URB1: variants seen among roughly 807,000 people sequenced by gnomAD.
URB1 encodes the protein URB1 ribosome biogenesis factor.
A neutral mutation model predicts 242.3 loss-of-function variants in URB1; 197 were observed. The observed-to-expected ratio is 0.81, with a 90% confidence interval of 0.72 to 0.91. The LOEUF (loss-of-function observed/expected upper bound fraction) is 0.91, where lower values mean the gene tolerates loss of function less well. Among genes scored for constraint, URB1 ranks in the 40% least tolerant of loss-of-function variants. The probability of loss-of-function intolerance (pLI) is 0.00; values close to 1 mark genes in which losing one functional copy is unlikely to be tolerated. For missense variants in URB1, 2,721 were observed against 2,860.5 expected, an observed-to-expected ratio of 0.95 and a Z score of 1.11; for synonymous variants, 1,153 against 1,201.8, an observed-to-expected ratio of 0.96 and a Z score of 0.84.
chr21:32,355,920 C>T (rs1337458317), intron 15 of URB1, among the ~76,000 whole-genome samples: 1 of 152,224 alleles, frequency 6.6e-6, no homozygotes, highest in Non-Finnish European at 1.5e-5. Flanking sequence ...CTACAGGACC[C>T]ACTTTCTGTC....
chr21:32,374,848 T>C (rs531805398), intron 6 of URB1, among the ~76,000 whole-genome samples: 1 of 152,358 alleles, frequency 6.6e-6, no homozygotes, highest in East Asian at 1.9e-4. Flanking sequence ...AATCACTCTT[T>C]AAAATACTTC....
intron 28 of URB1, among the ~76,000 whole-genome samples, chr21:32,336,113 C>A (rs986511143): frequency 6.6e-6 from 1 of 152,254 alleles, no homozygotes; most frequent in African/African-American, 2.4e-5. Flanking sequence ...GCACCAGCTC[C>A]GACGTCAAAA....
chr21:32,328,282 C>T (rs757599830), intron 30 of URB1, among the ~76,000 whole-genome samples: 1 of 152,328 alleles, frequency 6.6e-6, no homozygotes, highest in Middle Eastern at 3.4e-3. Context: ...GGACTACAGG[C>T]ATGTGCCACC....
chr21:32,369,043 C>CA (rs2033378258), intron 8 of URB1, among the ~76,000 whole-genome samples: 1 of 151,410 alleles, frequency 6.6e-6, no homozygotes, highest in Non-Finnish European at 1.5e-5. Context: ...CAGCCACACA[C>CA]AAAAAAAGCA....
At chr21:32,392,498 G>C (rs901542762) in intron 1 of URB1, among the ~76,000 whole-genome samples, 2 of 152,216 alleles carry the variant, frequency 1.3e-5, no homozygotes, top group Non-Finnish European at 2.9e-5. Flanking sequence ...AGGTTTTAGA[G>C]CTCGCTGAGG....
intron 20 of URB1, among the ~76,000 whole-genome samples, chr21:32,350,434 C>T (rs1164049332): frequency 6.6e-6 from 1 of 152,216 alleles, no homozygotes; most frequent in East Asian, 1.9e-4. Context: ...AACAAAGGCC[C>T]GGCAGGGCTG....
chr21:32,334,654 C>G (rs1018834539), intron 28 of URB1, among the ~76,000 whole-genome samples: 3 of 152,154 alleles, frequency 2.0e-5, no homozygotes, highest in Non-Finnish European at 2.9e-5. Context: ...TATTATTATA[C>G]CCCTTGTGCA....
In URB1 at chr21:32,344,774, A is replaced by C. The variant is rs1461575519; in HGVS notation, c.4071-18T>G. On this transcript the variant is annotated intron_variant, in intron 23 of 38. Transcript: ENST00000382751. ...CGATCCACCTGCAGCAGGAGATGAG[A>C]GTCAGAGACAGAGAGCAGGTTTAAA... 2 of 1,546,790 alleles carry C rather than the reference A, an allele frequency of 1.3e-6. No individual in the cohort carries two copies. Among genetic ancestry groups the C allele is most frequent in the Non-Finnish European group, 8.7e-7 (1 of 1,145,310 alleles).
Position 32,363,221 on chromosome 21 carries a change from A to T in URB1, c.1444T>A (p.Ser482Thr). The change falls in exon 11 of 39, where the codon TCA (serine) becomes ACA (threonine). Residue 482 changes from serine to threonine, a missense_variant. Transcript: ENST00000382751. ...HCLNKEVWQESGVYTAVMMEE... is the reference protein window; with the variant it reads ...HCLNKEVWQETGVYTAVMMEE... ...ATCATCACAGCTGTGTACACGCCTG[A>T]TTCCTGCCACACCTCTTTATTCAGG... The T allele has an allele frequency of 6.4e-7, 1 of 1,552,074 alleles. No homozygotes were observed. Among genetic ancestry groups the T allele is most frequent in the Non-Finnish European group, 8.7e-7 (1 of 1,147,080 alleles).
intron 36 of URB1, among the ~76,000 whole-genome samples, chr21:32,318,476 T>G (rs540253135): frequency 6.6e-6 from 1 of 152,360 alleles, no homozygotes; most frequent in South Asian, 2.1e-4. Context: ...CTTCCGAAGA[T>G]CCCTACATAG....
chr21:32,364,693 C>G (rs1029902753), intron 10 of URB1, among the ~76,000 whole-genome samples: 1 of 152,246 alleles, frequency 6.6e-6, no homozygotes, highest in South Asian at 2.1e-4. Context: ...TGCTTCCAAA[C>G]GCTTTCTTAT....
chr21:32,368,903 C>T (rs9984715), intron 8 of URB1, among the ~76,000 whole-genome samples: 22,381 of 152,106 alleles, frequency 0.15, 2,194 homozygotes, highest in African/African-American at 0.28. Context: ...GAAAACCATT[C>T]TCTCTCGCTC....
chr21:32,328,398 A>G (rs936379480), intron 30 of URB1, among the ~76,000 whole-genome samples: 4 of 152,204 alleles, frequency 2.6e-5, no homozygotes, highest in Non-Finnish European at 1.5e-5. Flanking sequence ...TTGGCCTCCC[A>G]AAGTGCTGGG....
In URB1 at chr21:32,322,529, G is replaced by A. The variant is rs943769706; in HGVS notation, c.5289C>T (p.Asn1763=). The A allele has an allele frequency of 2.8e-5, 44 of 1,552,148 alleles. No homozygotes were observed. The East Asian group carries it at 1.0e-3, about 36-fold the overall frequency. The change falls in exon 33 of 39, where the codon AAC becomes AAT. Residue 1763 remains asparagine (N), a synonymous_variant. Transcript: ENST00000382751. ...SNFLLSHEYL[N]MDKVPGFYQF... is the part of the protein sequence containing the mutation. ...GGTAGAAGCCTGGCACTTTGTCCATGTTCAAGTACTCATGCGACAGCAGGA... is the reference window on the plus strand; with the variant it reads ...GGTAGAAGCCTGGCACTTTGTCCATATTCAAGTACTCATGCGACAGCAGGA...
chr21:32,342,566 C>A (rs376245531), intron 24 of URB1, among the ~76,000 whole-genome samples: 1 of 152,032 alleles, frequency 6.6e-6, no homozygotes, highest in East Asian at 1.9e-4. Flanking sequence ...CACTACTGAT[C>A]AGCACAGGAG....
intron 1 of URB1, among the ~76,000 whole-genome samples, chr21:32,387,375 T>C (rs1452656430): frequency 1.3e-5 from 2 of 152,052 alleles, no homozygotes; most frequent in South Asian, 2.1e-4. Context: ...GTCGAGATCG[T>C]GCCACTGCAC....
rs142344266 is a variant in URB1 at position 32,337,109 on chromosome 21, C to T, written c.4670G>A (p.Ser1557Asn). Residue 1557 changes from serine (S) to asparagine (N), a missense_variant, in exon 28 of 39, where the codon AGC becomes AAC. Ser to Asn is a conservative substitution (Grantham distance 46, BLOSUM62 1). Transcript: ENST00000382751. ...LLRAYEQNKL[S>N]LINFRVLLWG... ...CAACACTCACCTGAAGTTGATGAGG[C>T]TGAGCTTGTTCTGCTCATACGCTCG... 369 of 1,551,906 alleles carry T rather than the reference C, an allele frequency of 2.4e-4. 3 individuals carry two copies. The African/African-American group carries it at 3.5e-3, about 15-fold the overall frequency.
intron 2 of URB1, 118 bp downstream of exon 2, chr21:32,385,427 A>C (rs2033573035): frequency 7.1e-6 from 10 of 1,399,240 alleles, no homozygotes; most frequent in Non-Finnish European, 9.5e-6. Context: ...CACAGGGACA[A>C]AGCATCATTT....
chr21:32,363,926 G>C (rs1396765702), intron 10 of URB1, among the ~76,000 whole-genome samples: 1 of 151,720 alleles, frequency 6.6e-6, no homozygotes, highest in East Asian at 1.9e-4. Flanking sequence ...AAAGCACTGG[G>C]ATTATGAGTG....
Sources: allele counts gnomAD v4.1 joint callset (sites outside exome capture counted in the v4.1 genomes callset), GRCh38; gene constraint gnomAD v4.1.1; transcripts MANE v1.5; gene names NCBI Gene and HGNC (gene_info 2026-07-23, HGNC 2026-07-21).